Variants in MYO1D observed in about 807,000 individuals in gnomAD.
MYO1D encodes unconventional myosin-Id.
In MYO1D, 83 loss-of-function variants were observed where a neutral mutation model predicts 122.0. That is an observed-to-expected ratio of 0.68 (90% CI 0.57 to 0.82). The LOEUF (loss-of-function observed/expected upper bound fraction) is 0.82, where lower values mean the gene tolerates loss of function less well. MYO1D is among the 40% of genes least tolerant of loss of function. The pLI is 0.00. For synonymous variants in MYO1D, 464 were observed against 446.9 expected, an observed-to-expected ratio of 1.04 and a Z score of -0.48; for missense variants, 1,157 against 1,269.5, an observed-to-expected ratio of 0.91 and a Z score of 1.35.
At chr17:32,805,280 T>C (rs1349809455) in intron 1 of MYO1D, among the ~76,000 whole-genome samples, 3 of 152,214 alleles carry the variant, frequency 2.0e-5, no homozygotes, top group Non-Finnish European at 4.4e-5. Flanking sequence ...GTTTAAGGTA[T>C]TTTGGTATAG....
chr17:32,595,555 T>C (rs1031952823), intron 21 of MYO1D, among the ~76,000 whole-genome samples: 8 of 152,056 alleles, frequency 5.3e-5, no homozygotes, highest in Non-Finnish European at 1.2e-4. Flanking sequence ...AGGAGAAGGA[T>C]TGAGTTACCA....
In MYO1D at chr17:32,507,268, G is replaced by A. The variant is rs576728238; in HGVS notation, c.2865-12353C>T. Among the ~76,000 whole-genome samples, 18 of 152,188 alleles carry A rather than the reference G, an allele frequency of 1.2e-4. 1 individual carries two copies. The highest frequency in any genetic ancestry group is 4.3e-4 in the African/African-American group (18 of 41,520). ...ATAAAAAAAAAACTAGCCAGGTGTGGTGGCAGACGCCTATAGTTCCAGCTA... is the reference window on the plus strand; with the variant it reads ...ATAAAAAAAAAACTAGCCAGGTGTGATGGCAGACGCCTATAGTTCCAGCTA... On this transcript the variant is annotated intron_variant, in intron 21 of 21. Coordinates refer to ENST00000318217, the MANE Select transcript of MYO1D (RefSeq NM_015194.3).
chr17:32,686,836 A>T (rs1484754807), intron 16 of MYO1D, among the ~76,000 whole-genome samples: 1 of 151,946 alleles, frequency 6.6e-6, no homozygotes, highest in Non-Finnish European at 1.5e-5. Context: ...ACTGCACTTC[A>T]GCCTGGGTGA....
intron 16 of MYO1D, among the ~76,000 whole-genome samples, chr17:32,690,532 C>T (rs570801264): frequency 2.6e-5 from 4 of 152,268 alleles, no homozygotes; most frequent in East Asian, 1.9e-4. Flanking sequence ...CTATCCCCTT[C>T]GAATCTCCAG....
intron 14 of MYO1D, among the ~76,000 whole-genome samples, chr17:32,725,352 C>CAAAA (rs2089559349): frequency 6.6e-6 from 1 of 151,870 alleles, no homozygotes; most frequent in African/African-American, 2.4e-5. Flanking sequence ...AACCCCGTTT[C>CAAAA]TACTAAAAAT....
At chr17:32,749,534 C>A (rs1279679232) in intron 11 of MYO1D, among the ~76,000 whole-genome samples, 1 of 152,124 alleles carries the variant, frequency 6.6e-6, no homozygotes, top group Non-Finnish European at 1.5e-5. Context: ...AGTTCAAGAC[C>A]AGCCTGGGCA....
At chr17:32,552,189 C>T (rs2087021949) in intron 21 of MYO1D, among the ~76,000 whole-genome samples, 1 of 152,208 alleles carries the variant, frequency 6.6e-6, no homozygotes. Context: ...AATCCTCCCA[C>T]CTCAGCCTCC....
chr17:32,640,456 C>T (rs2088180301), intron 19 of MYO1D, among the ~76,000 whole-genome samples: 1 of 142,852 alleles, frequency 7.0e-6, no homozygotes, highest in African/African-American at 2.6e-5. Flanking sequence ...GGTATATCTC[C>T]CAATGCTATC....
chr17:32,738,241 G>C lies in MYO1D; in HGVS notation c.1746+12C>G. The C allele has an allele frequency of 6.3e-7, 1 of 1,575,992 alleles. No homozygotes were observed. The highest frequency in any genetic ancestry group is 8.6e-7 in the Non-Finnish European group (1 of 1,161,044). On this transcript the variant is annotated intron_variant, in intron 14 of 21. Coordinates refer to ENST00000318217, the MANE Select transcript of MYO1D (RefSeq NM_015194.3). Reference sequence around the variant, plus strand: ...TGAGTTAAAATGGATATTTAGAAAAGAAAATAATTACCTTTGATGCAAGGT... The same window carrying C: ...TGAGTTAAAATGGATATTTAGAAAACAAAATAATTACCTTTGATGCAAGGT...
intron 1 of MYO1D, among the ~76,000 whole-genome samples, chr17:32,821,209 T>G (rs1407994706): frequency 6.6e-6 from 1 of 152,192 alleles, no homozygotes; most frequent in Non-Finnish European, 1.5e-5. Flanking sequence ...ATGATCTCAT[T>G]CTTTTTTATG....
intron 16 of MYO1D, among the ~76,000 whole-genome samples, chr17:32,707,774 T>C (rs2089327038): frequency 6.6e-6 from 1 of 152,250 alleles, no homozygotes; most frequent in Admixed American, 6.5e-5. Flanking sequence ...ATTTCCCTTC[T>C]GAGAATCTGG....
At chr17:32,495,305 TGAGA>T (rs140931006) in intron 21 of MYO1D, among the ~76,000 whole-genome samples, 79 of 150,410 alleles carry the variant, frequency 5.3e-4, no homozygotes, top group Admixed American at 1.9e-3. Flanking sequence ...CATGCCCCAG[TGAGA>T]GAGAGAGAGA....
At chr17:32,528,463 G>C (rs1268458430) in intron 21 of MYO1D, among the ~76,000 whole-genome samples, 2 of 152,104 alleles carry the variant, frequency 1.3e-5, no homozygotes, top group Non-Finnish European at 2.9e-5. Context: ...GCGTATGTGT[G>C]TGTGTGTGTA....
intron 16 of MYO1D, among the ~76,000 whole-genome samples, chr17:32,669,940 T>A (rs1213392544): frequency 2.0e-5 from 3 of 151,926 alleles, no homozygotes; most frequent in Middle Eastern, 3.2e-3. Flanking sequence ...TCACCCAGGC[T>A]GGAGTTGCGG....
At chr17:32,723,163 A>G (rs551621792) in intron 14 of MYO1D, among the ~76,000 whole-genome samples, 1 of 152,300 alleles carries the variant, frequency 6.6e-6, no homozygotes, top group East Asian at 1.9e-4. Context: ...CTTGGACCCG[A>G]GTTCTGTGAA....
chr17:32,548,230 CAACAAGGCTGGTCTTTT>C (rs1182495578), intron 21 of MYO1D, among the ~76,000 whole-genome samples: 1 of 151,804 alleles, frequency 6.6e-6, no homozygotes, highest in African/African-American at 2.4e-5. Context: ...CCAGCCTGGG[CAACAAGGCTGGTCTTTT>C]ATATTTTTTG....
chr17:32,626,679 C>T (rs961636330), intron 20 of MYO1D, among the ~76,000 whole-genome samples: 20 of 152,108 alleles, frequency 1.3e-4, no homozygotes, highest in African/African-American at 4.6e-4. Context: ...TGCTTAGTAG[C>T]GTTTGGCATA....
intron 17 of MYO1D, 156 bp downstream of exon 17, chr17:32,658,959 T>C: frequency 1.3e-6 from 1 of 763,246 alleles, no homozygotes; most frequent in East Asian, 2.7e-5. Flanking sequence ...GCAGATGCTC[T>C]TTGAAAGCCA....
At chr17:32,797,927 C>T (rs931110987) in intron 1 of MYO1D, among the ~76,000 whole-genome samples, 3 of 152,198 alleles carry the variant, frequency 2.0e-5, no homozygotes, top group African/African-American at 7.2e-5. Flanking sequence ...TATACATTTA[C>T]TAAATATTAA....
Sources: gnomAD v4.1 joint callset for allele counts (sites outside exome capture counted in the v4.1 genomes callset) on GRCh38, gnomAD v4.1.1 for gene constraint, MANE v1.5 for transcripts, NCBI Gene and HGNC (gene_info 2026-07-23, HGNC 2026-07-21) for gene names.